The following PPARGC1A variants were observed in gnomAD, a reference collection of about 807,000 sequenced individuals.
The protein encoded by PPARGC1A is peroxisome proliferator-activated receptor gamma coactivator 1-alpha.
PPARGC1A carries 25 observed loss-of-function variants against 88.7 expected under a neutral mutation model. The ratio of observed to expected loss-of-function variants is 0.28; its 90% CI spans 0.21 to 0.39. The LOEUF (loss-of-function observed/expected upper bound fraction) is 0.39. Ranked by LOEUF, PPARGC1A falls within the 10% of genes least tolerant of loss-of-function variation. The probability of loss-of-function intolerance (pLI) is 1.00; values close to 1 mark genes in which losing one functional copy is unlikely to be tolerated. For synonymous variants in PPARGC1A, 363 were observed against 355.6 expected, an observed-to-expected ratio of 1.02 and a Z score of -0.24; for missense variants, 880 against 968.7, an observed-to-expected ratio of 0.91 and a Z score of 1.22.
the PPARGC1A span, among the ~76,000 whole-genome samples, chr4:23,946,313 G>T: frequency 2.0e-5 from 3 of 152,118 alleles, no homozygotes; most frequent in East Asian, 5.8e-4. Context: ...ATTAAAGCAG[G>T]TTCTATTTTC....
At chr4:24,363,658 G>T in the PPARGC1A span, among the ~76,000 whole-genome samples, 3 of 152,226 alleles carry the variant, frequency 2.0e-5, no homozygotes, top group South Asian at 6.2e-4. Context: ...CACAGAAAAT[G>T]CCCACAGAAG....
At chr4:24,230,286 G>A in the PPARGC1A span, among the ~76,000 whole-genome samples, 2 of 152,152 alleles carry the variant, frequency 1.3e-5, no homozygotes, top group African/African-American at 2.4e-5. Flanking sequence ...TAACCTGCCT[G>A]TGAAATGAAC....
chr4:24,111,730 G>A, the PPARGC1A span, among the ~76,000 whole-genome samples: 2 of 152,120 alleles, frequency 1.3e-5, no homozygotes, highest in Admixed American at 1.3e-4. Flanking sequence ...CTTAGGAGGT[G>A]GGTTAACTCT....
chr4:24,387,916 AAGAAAGAAAGAAAGAAAGAGAAAGAAAG>A, the PPARGC1A span, among the ~76,000 whole-genome samples: 1 of 20,412 alleles, frequency 4.9e-5, no homozygotes, highest in Non-Finnish European at 1.3e-4. Context: ...GAAAGAAAGA[AAGAAAGAAAGAAAGAAAGAGAAAGAAAG>A]AAAGAAAGAA....
intron 2 of PPARGC1A, chr4:23,883,717 A>T (rs181668917): frequency 6.6e-6 from 1 of 152,374 alleles, no homozygotes; most frequent in African/African-American, 2.4e-5. Flanking sequence ...TGTTATCAAC[A>T]TTAATATATT....
the PPARGC1A span, among the ~76,000 whole-genome samples, chr4:23,980,185 CAAAA>C: frequency 1.3e-4 from 12 of 89,494 alleles, no homozygotes; most frequent in East Asian, 1.0e-3. Flanking sequence ...TCCCAGCCAG[CAAAA>C]AAAAAAAAAA....
At chr4:24,018,295 T>A in the PPARGC1A span, among the ~76,000 whole-genome samples, 2 of 152,200 alleles carry the variant, frequency 1.3e-5, no homozygotes, top group South Asian at 4.1e-4. Flanking sequence ...AGGTACAGTT[T>A]TCTTTTTTCT....
the PPARGC1A span, among the ~76,000 whole-genome samples, chr4:24,324,711 G>A: frequency 6.6e-6 from 1 of 152,096 alleles, no homozygotes; most frequent in Non-Finnish European, 1.5e-5. Context: ...ATGGGCAAAT[G>A]GTCTGAGGTT....
chr4:24,442,210 T>C, the PPARGC1A span, among the ~76,000 whole-genome samples: 4 of 152,220 alleles, frequency 2.6e-5, no homozygotes, highest in South Asian at 2.1e-4. Flanking sequence ...AATATTCTTG[T>C]TATCTCTACC....
chr4:24,443,844 G>A, the PPARGC1A span, among the ~76,000 whole-genome samples: 8 of 151,244 alleles, frequency 5.3e-5, no homozygotes, highest in South Asian at 4.2e-4. Context: ...TTGAGCCACC[G>A]CGCCTGGCCC....
chr4:23,802,182 T>C, intron 11 of PPARGC1A, 42 bp downstream of exon 11: 2 of 1,613,286 alleles, frequency 1.2e-6, no homozygotes, highest in Non-Finnish European at 1.7e-6. Context: ...ATTTTTTACA[T>C]ACGTCAGCTT....
At chr4:24,049,231 TATATAA>T in the PPARGC1A span, among the ~76,000 whole-genome samples, 1 of 105,956 alleles carries the variant, frequency 9.4e-6, no homozygotes, top group African/African-American at 3.1e-5. Flanking sequence ...TATATACATA[TATATAA>T]ATATATATAC....
chr4:24,267,354 C>A, the PPARGC1A span, among the ~76,000 whole-genome samples: 5 of 152,306 alleles, frequency 3.3e-5, no homozygotes, highest in East Asian at 1.9e-4. Flanking sequence ...AGCAGGGAAC[C>A]AAAGCAGAGA....
chr4:24,418,279 C>T, the PPARGC1A span, among the ~76,000 whole-genome samples: 1,319 of 152,260 alleles, frequency 8.7e-3, 13 homozygotes, highest in African/African-American at 0.03. Flanking sequence ...TCCAGTTCTT[C>T]TAAGCAACAG....
intron 1 of PPARGC1A, among the ~76,000 whole-genome samples, chr4:23,897,476 T>C (rs1718732140): frequency 1.3e-5 from 2 of 152,320 alleles, no homozygotes; most frequent in Non-Finnish European, 2.9e-5. Context: ...TCAACAAAGA[T>C]GGCCGGATTC....
At chr4:24,075,503 C>T in the PPARGC1A span, among the ~76,000 whole-genome samples, 1 of 152,104 alleles carries the variant, frequency 6.6e-6, no homozygotes, top group Non-Finnish European at 1.5e-5. Flanking sequence ...AATCCTGCTC[C>T]AACTGTGAAA....
chr4:24,187,647 G>A, the PPARGC1A span, among the ~76,000 whole-genome samples: 1 of 152,156 alleles, frequency 6.6e-6, no homozygotes, highest in Non-Finnish European at 1.5e-5. Flanking sequence ...ACAATTATAT[G>A]ATCATTCATT....
At chr4:24,405,208 T>G in the PPARGC1A span, among the ~76,000 whole-genome samples, 1 of 152,016 alleles carries the variant, frequency 6.6e-6, no homozygotes, top group Non-Finnish European at 1.5e-5. Flanking sequence ...TTGAAAACGG[T>G]CAAGCAGGTA....
At chr4:24,349,814 CAGG>C in the PPARGC1A span, among the ~76,000 whole-genome samples, 4 of 152,214 alleles carry the variant, frequency 2.6e-5, no homozygotes, top group Admixed American at 2.0e-4. Context: ...AAGTTCTGGC[CAGG>C]AGGTTTCTCA....
Sources: allele counts gnomAD v4.1 joint callset (sites outside exome capture counted in the v4.1 genomes callset), GRCh38; gene constraint gnomAD v4.1.1; transcripts MANE v1.5; gene names NCBI Gene and HGNC (gene_info 2026-07-23, HGNC 2026-07-21).